SKAP2: variants seen among roughly 807,000 people sequenced by gnomAD.
The protein encoded by SKAP2 is src kinase-associated phosphoprotein 2.
SKAP2 carries 28 observed loss-of-function variants against 54.9 expected under a neutral mutation model. The observed-to-expected ratio is 0.51, with a 90% confidence interval of 0.38 to 0.70. The LOEUF (loss-of-function observed/expected upper bound fraction) is 0.70. Ranked by LOEUF, SKAP2 falls within the 30% of genes least tolerant of loss-of-function variation. The probability of loss-of-function intolerance (pLI) is 0.00; values close to 1 mark genes in which losing one functional copy is unlikely to be tolerated. For synonymous variants in SKAP2, 137 were observed against 134.3 expected (o/e 1.02, Z -0.14); for missense variants, 356 against 424.1 (o/e 0.84, Z 1.41).
intron 4 of SKAP2, among the ~76,000 whole-genome samples, chr7:26,817,471 T>A (rs1464217471): frequency 6.6e-6 from 1 of 152,064 alleles, no homozygotes; most frequent in African/African-American, 2.4e-5. Context: ...TTATATAAAA[T>A]CCAAATATCA....
intron 4 of SKAP2, among the ~76,000 whole-genome samples, chr7:26,771,554 G>A: frequency 1.3e-5 from 2 of 152,270 alleles, no homozygotes; most frequent in South Asian, 4.1e-4. Flanking sequence ...GCATGCTTGT[G>A]TAATAAGTAG....
At chr7:26,702,892 C>T (rs982071913) in intron 9 of SKAP2, among the ~76,000 whole-genome samples, 41 of 152,222 alleles carry the variant, frequency 2.7e-4, no homozygotes, top group African/African-American at 9.9e-4. Context: ...ACATCAACAT[C>T]TCGGCATACC....
chr7:26,771,060 G>A (rs369800823), intron 4 of SKAP2, among the ~76,000 whole-genome samples: 1 of 152,194 alleles, frequency 6.6e-6, no homozygotes, highest in African/African-American at 2.4e-5. Flanking sequence ...TTCTAGTTAT[G>A]ATCTATAACA....
At chr7:26,809,704 C>A (rs1562619368) in intron 4 of SKAP2, among the ~76,000 whole-genome samples, 1 of 151,968 alleles carries the variant, frequency 6.6e-6, no homozygotes, top group Admixed American at 6.6e-5. Context: ...GAGCTTCCCC[C>A]AAAAAATTAA....
chr7:26,699,213 C>A (rs1238867960), intron 9 of SKAP2, among the ~76,000 whole-genome samples: 1 of 152,122 alleles, frequency 6.6e-6, no homozygotes, highest in African/African-American at 2.4e-5. Context: ...AAAAAGAATA[C>A]CTACAATTAC....
intron 9 of SKAP2, 71 bp downstream of exon 9, chr7:26,725,353 CACAA>C (rs1401673513): frequency 9.8e-6 from 11 of 1,121,296 alleles, no homozygotes; most frequent in Admixed American, 2.3e-5. Flanking sequence ...AAATCACACA[CACAA>C]ACACACACAC....
intron 1 of SKAP2, among the ~76,000 whole-genome samples, chr7:26,863,702 G>C (rs562373141): frequency 4.5e-4 from 68 of 152,206 alleles, no homozygotes; most frequent in Non-Finnish European, 4.4e-4. Context: ...TACTTTCATC[G>C]TGTCACACAG....
intron 4 of SKAP2, among the ~76,000 whole-genome samples, chr7:26,779,892 T>C: frequency 6.6e-6 from 1 of 152,154 alleles, no homozygotes. Context: ...TAATTTCTAT[T>C]TGAAATTAGA....
downstream of SKAP2, among the ~76,000 whole-genome samples, chr7:26,666,692 T>C (rs555840850): frequency 1.3e-5 from 2 of 152,304 alleles, no homozygotes; most frequent in South Asian, 4.1e-4. Context: ...GTAATTAAAT[T>C]AGCACACAGT....
At chr7:26,779,867 A>C (rs920522336) in intron 4 of SKAP2, among the ~76,000 whole-genome samples, 5 of 152,092 alleles carry the variant, frequency 3.3e-5, no homozygotes, top group African/African-American at 1.2e-4. Flanking sequence ...AGTCATCATT[A>C]AAAACAGGTT....
intron 4 of SKAP2, among the ~76,000 whole-genome samples, chr7:26,788,618 T>C (rs1180103293): frequency 2.0e-5 from 3 of 152,202 alleles, no homozygotes; most frequent in African/African-American, 7.2e-5. Context: ...CCCTTTATAA[T>C]AGCTCAAAAG....
At chr7:26,672,492 C>T (rs1015277210) in intron 11 of SKAP2, among the ~76,000 whole-genome samples, 3 of 151,878 alleles carry the variant, frequency 2.0e-5, no homozygotes. Flanking sequence ...CTAAAATAAT[C>T]TTAAATGCTT....
chr7:26,725,900 C>G, intron 8 of SKAP2, 23 bp downstream of exon 8: 1 of 1,579,534 alleles, frequency 6.3e-7, no homozygotes, highest in Admixed American at 1.7e-5. Flanking sequence ...ACTGTGATAA[C>G]TTGTTCGATT....
intron 4 of SKAP2, among the ~76,000 whole-genome samples, chr7:26,824,936 A>T (rs1347888776): frequency 6.6e-6 from 1 of 152,158 alleles, no homozygotes; most frequent in East Asian, 1.9e-4. Context: ...GTTTTCAGAA[A>T]GAACTCCAGA....
intron 4 of SKAP2, among the ~76,000 whole-genome samples, chr7:26,810,494 T>C (rs1784119365): frequency 6.6e-6 from 1 of 152,168 alleles, no homozygotes; most frequent in South Asian, 2.1e-4. Flanking sequence ...CAGAAATCTA[T>C]TGTACATCAC....
At chr7:26,804,507 A>G (rs2127985758) in intron 4 of SKAP2, among the ~76,000 whole-genome samples, 1 of 152,246 alleles carries the variant, frequency 6.6e-6, no homozygotes, top group East Asian at 1.9e-4. Context: ...TTGGGAGGCC[A>G]AGGCGGGCAG....
At chr7:26,701,754 T>C (rs1281929801) in intron 9 of SKAP2, among the ~76,000 whole-genome samples, 9 of 48,104 alleles carry the variant, frequency 1.9e-4, no homozygotes, top group Non-Finnish European at 4.2e-4. Context: ...AATAAATAAA[T>C]AAACAAATAA....
chr7:26,793,263 A>C (rs570215469), intron 4 of SKAP2, among the ~76,000 whole-genome samples: 1 of 152,324 alleles, frequency 6.6e-6, no homozygotes, highest in African/African-American at 2.4e-5. Context: ...TTATACTGCT[A>C]ATTCTCCAAA....
intron 6 of SKAP2, 47 bp from the exon 7 acceptor site, chr7:26,727,053 G>A: frequency 7.0e-7 from 1 of 1,427,396 alleles, no homozygotes; most frequent in South Asian, 1.4e-5. Context: ...AAGTATTAAT[G>A]CTCAATTATC....
Sources: gnomAD v4.1 joint callset for allele counts (sites outside exome capture counted in the v4.1 genomes callset) on GRCh38, gnomAD v4.1.1 for gene constraint, MANE v1.5 for transcripts, NCBI Gene and HGNC (gene_info 2026-07-23, HGNC 2026-07-21) for gene names.